Variants in NLRP3 observed in about 807,000 individuals in gnomAD.
NLRP3 encodes NACHT, LRR and PYD domains-containing protein 3.
Under a neutral mutation model 91.3 loss-of-function variants are expected in NLRP3, and 48 were observed. The observed-to-expected ratio is 0.53, with a 90% CI of 0.42 to 0.67. The LOEUF is 0.67. Ranked by LOEUF, NLRP3 falls within the 30% of genes least tolerant of loss-of-function variation. NLRP3 has a pLI of 0.00. For synonymous variants in NLRP3, 561 were observed against 507.9 expected (o/e 1.10, Z -1.41); for missense variants, 982 against 1,276.9 (o/e 0.77, Z 3.52).
At position 247,435,960 on chromosome 1, in the gene NLRP3, T is replaced by A; in HGVS notation, c.2493-10T>A. The A allele has an allele frequency of 6.2e-7, 1 of 1,613,596 alleles. No homozygotes were observed. Among genetic ancestry groups the A allele is most frequent in the Non-Finnish European group, 8.5e-7 (1 of 1,179,932 alleles). ...GAGACATGACTGACATTCTGCCATC[T>A]CTATGGAAGGTTGGTCAGCTGCTGC... On this transcript the variant is annotated splice_polypyrimidine_tract_variant and intron_variant, in intron 6 of 9. Coordinates refer to ENST00000336119, the MANE Select transcript of NLRP3 (RefSeq NM_001243133.2).
chr1:247,425,408 C>T lies in NLRP3; in HGVS notation c.1959C>T (p.Ile653=), dbSNP rs1662799090. ...RAMDYFPKIE[I]NLSTRMDHMV... is the part of the protein sequence containing the mutation. ...TGGACTATTTCCCCAAGATTGAGATCAATCTCTCCACCAGAATGGACCACA... is the reference window on the plus strand; with the variant it reads ...TGGACTATTTCCCCAAGATTGAGATTAATCTCTCCACCAGAATGGACCACA... Residue 653 remains isoleucine, a synonymous_variant, in exon 4 of 10, where the codon ATC becomes ATT. Coordinates refer to ENST00000336119, the MANE Select transcript of NLRP3 (RefSeq NM_001243133.2). The surrounding 1 kb of genome is among the most constrained non-coding windows in gnomAD (Gnocchi z 4.1). 6.2e-7 allele frequency: 1 copy of T among 1,614,080 alleles called. No individual in the cohort carries two copies.
Position 247,448,527 on chromosome 1 carries a change from C to T in NLRP3, c.*23C>T, listed in dbSNP as rs754042786. On this transcript the variant is annotated 3_prime_UTR_variant, in exon 10 of 10. Transcript: ENST00000336119. ...TAGGAGTGGAAACGGGGCTGCCAGA[C>T]GCCAGTGTTCTCCGGTCCCTCCAGC... The T allele has an allele frequency of 7.0e-7, 1 of 1,437,262 alleles. No homozygotes were observed. The highest frequency in any genetic ancestry group is 9.8e-7 in the Non-Finnish European group (1 of 1,018,626). 89.0% of individuals were successfully genotyped at this position (1,437,262 alleles called of 1,614,324 possible).
At chr1:247,439,930 G>C (rs1225156573) in intron 7 of NLRP3, among the ~76,000 whole-genome samples, 1 of 152,214 alleles carries the variant, frequency 6.6e-6, no homozygotes, top group Admixed American at 6.5e-5. Context: ...TTATGCATGT[G>C]TATTTGCTTT....
At chr1:247,433,457 A>G (rs1008608893) in intron 5 of NLRP3, among the ~76,000 whole-genome samples, 6 of 152,286 alleles carry the variant, frequency 3.9e-5, no homozygotes, top group African/African-American at 1.4e-4. Flanking sequence ...CGCACCATTC[A>G]CATGTCTGGG....
intron 7 of NLRP3, among the ~76,000 whole-genome samples, chr1:247,440,761 A>G (rs527750750): frequency 1.3e-5 from 2 of 152,256 alleles, no homozygotes; most frequent in African/African-American, 2.4e-5. Context: ...ATAGGTGGAC[A>G]TCACTGTGCC....
At position 247,436,049 on chromosome 1, in the gene NLRP3, C is replaced by G. The variant is rs780314263; in HGVS notation, c.2572C>G (p.Leu858Val). The G allele has an allele frequency of 5.0e-6, 8 of 1,613,992 alleles. No individual in the cohort carries two copies. The highest frequency in any genetic ancestry group is 1.3e-5 in the African/African-American group (1 of 74,882). Residue 858 changes from leucine to valine, a missense_variant, in exon 7 of 10, where the codon CTC becomes GTC. Transcript: ENST00000336119. ...VLSTSHSLTR[L>V]YVGENALGDS... ...GAGCACCAGCCATTCCCTGACCAGA[C>G]TCTATGTGGGGGAGAATGCCTTGGG...
At chr1:247,441,201 C>G (rs112875622) in intron 7 of NLRP3, among the ~76,000 whole-genome samples, 1 of 128,456 alleles carries the variant, frequency 7.8e-6, no homozygotes, top group East Asian at 2.4e-4. Flanking sequence ...CCTCCCCCCC[C>G]CCTTTCCCTT....
chr1:247,427,233 C>T (rs945888365), intron 4 of NLRP3, among the ~76,000 whole-genome samples: 6 of 152,186 alleles, frequency 3.9e-5, no homozygotes, highest in African/African-American at 1.4e-4. Context: ...GGGCTCCACC[C>T]TCATAACTTA....
chr1:247,423,153 CA>C, intron 2 of NLRP3, 76 bp from the exon 3 acceptor site: 1 of 1,600,910 alleles, frequency 6.2e-7, no homozygotes, highest in Non-Finnish European at 8.5e-7. Context: ...TCTCTCATGC[CA>C]AATATTAGGC....
At chr1:247,428,535 G>T (rs1413961220) in intron 4 of NLRP3, among the ~76,000 whole-genome samples, 4 of 152,184 alleles carry the variant, frequency 2.6e-5, no homozygotes, top group Non-Finnish European at 5.9e-5. Context: ...AGGCCAAGAT[G>T]GGGGGATTGC....
chr1:247,445,217 T>G (rs12119956), intron 9 of NLRP3, among the ~76,000 whole-genome samples: 26,371 of 152,084 alleles, frequency 0.17, 2,947 homozygotes, highest in Middle Eastern at 0.34. Context: ...TTTTTTTTCC[T>G]TGAGACAGAG....
rs146623139 is a variant in NLRP3, at chr1:247,429,842, C to G, written c.2321+87C>G. 1.2e-4 allele frequency: 178 copies of G among 1,516,474 alleles called. No individual in the cohort carries two copies. The African/African-American group carries it at 2.2e-3, about 19-fold the overall frequency. 93.9% of individuals were successfully genotyped at this position (1,516,474 alleles called of 1,614,324 possible). A position where few individuals can be genotyped will look rare whatever the true frequency, so the allele number is the denominator to read the frequency against. ...CAGACTGGAGAAAGATCTTCAGGAC[C>G]AGGTTGCTGGTGTGGTTTCTTTCTT... On this transcript the variant is annotated intron_variant, in intron 5 of 9. Coordinates refer to ENST00000336119, the MANE Select transcript of NLRP3 (RefSeq NM_001243133.2).
At position 247,418,591 on chromosome 1, in the gene NLRP3, T is replaced by A; in HGVS notation, c.-210T>A. ...TGCTGGGATTACAGGCGTGAGCCAC[T>A]GTGCCCGGCCTTGGCTAACTTTTCA... is the stretch of plus-strand genomic sequence containing the variant. On this transcript the variant is annotated 5_prime_UTR_variant, in exon 2 of 10. Transcript: ENST00000336119. 3 of 611,882 alleles carry A rather than the reference T, an allele frequency of 4.9e-6. No individual in the cohort carries two copies. The highest frequency in any genetic ancestry group is 3.0e-5 in the East Asian group (1 of 33,068). The allele number at this position is 611,882 out of a possible 1,614,324, so 37.9% of individuals were successfully genotyped here. A position where few individuals can be genotyped will look rare whatever the true frequency, so the allele number is the denominator to read the frequency against.
intron 2 of NLRP3, among the ~76,000 whole-genome samples, chr1:247,419,757 TC>T (rs1399323676): frequency 6.6e-6 from 1 of 152,222 alleles, no homozygotes; most frequent in Non-Finnish European, 1.5e-5. Context: ...GGAATTCCCT[TC>T]CTTTAAAAAA....
rs201680035 is a variant in NLRP3, at chr1:247,426,725, C to T, written c.2150+1126C>T. On this transcript the variant is annotated intron_variant, in intron 4 of 9. Transcript: ENST00000336119. ...ACAGTCCGGAAACAAGTGCAGATGT[C>T]GGGGAGGGGGTCATGGGCTCTGACA... Among the ~76,000 whole-genome samples the T allele has an allele frequency of 2.1e-4, 32 of 152,248 alleles. No homozygotes were observed. In the East Asian group the frequency reaches 6.0e-3, roughly 29 times the overall value.
intron 7 of NLRP3, 120 bp downstream of exon 7, chr1:247,436,260 A>C: frequency 1.1e-6 from 1 of 909,138 alleles, no homozygotes; most frequent in South Asian, 1.4e-5. Flanking sequence ...AGGAGGTAAA[A>C]ACATCAGAAA....
chr1:247,429,350 C>G (rs779998888), intron 4 of NLRP3, among the ~76,000 whole-genome samples: 9 of 152,146 alleles, frequency 5.9e-5, no homozygotes, highest in Non-Finnish European at 1.2e-4. Context: ...TAGGGTGCCA[C>G]AGTCCGCCAC....
intron 7 of NLRP3, 30 bp from the exon 8 acceptor site, chr1:247,443,942 C>T (rs377333668): frequency 1.9e-6 from 3 of 1,611,752 alleles, no homozygotes; most frequent in South Asian, 2.2e-5. Flanking sequence ...CAGCTGGGTA[C>T]TGAGGACTCT....
At chr1:247,431,436 A>G (rs1663316150) in intron 5 of NLRP3, among the ~76,000 whole-genome samples, 1 of 151,734 alleles carries the variant, frequency 6.6e-6, no homozygotes, top group Non-Finnish European at 1.5e-5. Context: ...AGTCTTATCA[A>G]TTTTTCCTCC....
Sources: allele counts gnomAD v4.1 joint callset (sites outside exome capture counted in the v4.1 genomes callset), GRCh38; gene constraint gnomAD v4.1.1; non-coding constraint Gnocchi (gnomAD v3.1); transcripts MANE v1.5; gene names NCBI Gene and HGNC (gene_info 2026-07-23, HGNC 2026-07-21).